Variants in GLRA1 observed in about 807,000 individuals in gnomAD.
GLRA1 encodes glycine receptor alpha 1.
GLRA1 carries 37 observed loss-of-function variants against 48.3 expected under a neutral mutation model. The ratio of observed to expected loss-of-function variants is 0.77; its 90% CI spans 0.59 to 1.01. The LOEUF (loss-of-function observed/expected upper bound fraction) is 1.01, where lower values mean the gene tolerates loss of function less well. Among genes scored for constraint, GLRA1 ranks in the 50% least tolerant of loss-of-function variants. The probability of loss-of-function intolerance (pLI) is 0.00; values close to 1 mark genes in which losing one functional copy is unlikely to be tolerated. For missense variants in GLRA1, 427 were observed against 571.0 expected (o/e 0.75, Z 2.57); for synonymous variants, 196 against 210.7 (o/e 0.93, Z 0.60).
chr5:151,903,040 C>T (rs1350198933), intron 1 of GLRA1, among the ~76,000 whole-genome samples: 1 of 152,090 alleles, frequency 6.6e-6, no homozygotes, highest in Admixed American at 6.5e-5. Context: ...ATCACTTTTC[C>T]CTTCCAAGTC....
rs114293044 is a variant in GLRA1 at position 151,884,851 on chromosome 5, C to T, written c.252+1870G>A. On this transcript the variant is annotated intron_variant, in intron 3 of 8. Transcript: ENST00000274576. ...CTCACTGTACAGATTATGATTAATA[C>T]AAATGTCAATATGCTTCTGATCTCA... is the stretch of plus-strand genomic sequence containing the variant. Among the ~76,000 whole-genome samples the T allele has an allele frequency of 3.8e-3, 574 of 152,244 alleles. 4 individuals are homozygous for T. Among genetic ancestry groups the T allele is most frequent in the Non-Finnish European group, 5.9e-3 (403 of 68,008 alleles).
chr5:151,867,829 A>G (rs1262344967), intron 3 of GLRA1, among the ~76,000 whole-genome samples: 1 of 152,218 alleles, frequency 6.6e-6, no homozygotes, highest in African/African-American at 2.4e-5. Context: ...GACTGTGGAT[A>G]TCCTTAACTG....
At chr5:151,868,187 C>G (rs1361871431) in intron 3 of GLRA1, among the ~76,000 whole-genome samples, 1 of 152,164 alleles carries the variant, frequency 6.6e-6, no homozygotes, top group Admixed American at 6.5e-5. Flanking sequence ...AAGGGAGTCT[C>G]CCTCAGGGGC....
At chr5:151,898,749 G>GA (rs1754287933) in intron 1 of GLRA1, among the ~76,000 whole-genome samples, 2 of 152,160 alleles carry the variant, frequency 1.3e-5, no homozygotes, top group African/African-American at 4.8e-5. Flanking sequence ...GAAAGAGGAA[G>GA]AGGACACTGT....
chr5:151,904,615 A>T, intron 1 of GLRA1, among the ~76,000 whole-genome samples: 1 of 152,018 alleles, frequency 6.6e-6, no homozygotes, highest in East Asian at 1.9e-4. Flanking sequence ...AAGCACATGG[A>T]CTCTGGCCTC....
At position 151,851,394 on chromosome 5, in the gene GLRA1, G is replaced by T. The variant is rs1752905629; in HGVS notation, c.908C>A (p.Pro303His). ...CTCTTGGGCAATGGGACTTACCTTG[G>T]GCAGAGATGCTCGAGAGCCGGAGCT... ...TQSSGSRASL[P>H]KVSYVKAIDI... The change falls in exon 7 of 9, where the codon CCC becomes CAC. Residue 303 changes from proline (P) to histidine (H), a missense_variant. Physicochemically the swap from Pro to His is moderately conservative, Grantham distance 77. This residue lies in a region of GLRA1 where 271 missense variants were observed against 434.9 expected (regional missense o/e 0.62). Transcript: ENST00000274576. 6.2e-7 allele frequency: 1 copy of T among 1,610,260 alleles called. No individual in the cohort carries two copies. Among genetic ancestry groups the T allele is most frequent in the Admixed American group, 1.7e-5 (1 of 60,004 alleles).
intron 1 of GLRA1, among the ~76,000 whole-genome samples, chr5:151,897,961 C>A (rs1754262945): frequency 6.6e-6 from 1 of 152,140 alleles, no homozygotes; most frequent in South Asian, 2.1e-4. Context: ...GGATTTGTCA[C>A]ACTAAGAGAT....
chr5:151,912,761 A>T (rs1162691261), intron 1 of GLRA1, among the ~76,000 whole-genome samples: 1 of 152,202 alleles, frequency 6.6e-6, no homozygotes, highest in African/African-American at 2.4e-5. Context: ...CCCTGGGATG[A>T]CATTATCTAT....
chr5:151,901,260 G>C (rs1754360620), intron 1 of GLRA1, among the ~76,000 whole-genome samples: 1 of 152,124 alleles, frequency 6.6e-6, no homozygotes, highest in Non-Finnish European at 1.5e-5. Flanking sequence ...TGCCCTAACT[G>C]TGTGTATATG....
chr5:151,871,287 G>A (rs1472425920), intron 3 of GLRA1, among the ~76,000 whole-genome samples: 2 of 149,468 alleles, frequency 1.3e-5, no homozygotes, highest in Non-Finnish European at 2.9e-5. Flanking sequence ...CCTAGCATAA[G>A]CTGTGTAGAG....
chr5:151,832,795 A>C (rs1247561577), intron 7 of GLRA1, among the ~76,000 whole-genome samples: 1 of 152,190 alleles, frequency 6.6e-6, no homozygotes, highest in Non-Finnish European at 1.5e-5. Flanking sequence ...GGAAATACAG[A>C]GAACACCACA....
chr5:151,868,173 C>T (rs1037001397), intron 3 of GLRA1, among the ~76,000 whole-genome samples: 1 of 152,186 alleles, frequency 6.6e-6, no homozygotes, highest in Non-Finnish European at 1.5e-5. Flanking sequence ...TCTCATTTTA[C>T]AGAAAGGGAG....
chr5:151,844,916 A>C (rs1390869675), intron 7 of GLRA1, among the ~76,000 whole-genome samples: 1 of 152,158 alleles, frequency 6.6e-6, no homozygotes, highest in African/African-American at 2.4e-5. Flanking sequence ...GCTTCCACTC[A>C]TGGTAGAAAG....
intron 7 of GLRA1, 102 bp from the exon 8 acceptor site, chr5:151,829,169 C>T (rs1763358071): frequency 2.7e-6 from 3 of 1,116,510 alleles, no homozygotes; most frequent in Non-Finnish European, 4.0e-6. Flanking sequence ...CCCCACATCA[C>T]CCACTGCTGT....
intron 7 of GLRA1, among the ~76,000 whole-genome samples, chr5:151,848,648 G>A (rs879124317): frequency 7.9e-5 from 12 of 152,258 alleles, no homozygotes; most frequent in Non-Finnish European, 1.6e-4. Flanking sequence ...GGAGAGTAAG[G>A]AAGCCTGCAC....
intron 7 of GLRA1, among the ~76,000 whole-genome samples, chr5:151,840,406 T>A (rs762609032): frequency 1.3e-5 from 2 of 152,078 alleles, no homozygotes; most frequent in East Asian, 1.9e-4. Context: ...CAAAAATACA[T>A]ATTTAATGCA....
At chr5:151,884,387 C>T (rs1427928288) in intron 3 of GLRA1, among the ~76,000 whole-genome samples, 1 of 148,842 alleles carries the variant, frequency 6.7e-6, no homozygotes, top group Non-Finnish European at 1.5e-5. Flanking sequence ...CGAGATCGTG[C>T]CACTGCACTC....
rs1462356739 is a variant in GLRA1 at position 151,855,058 on chromosome 5, T to C, written c.679A>G (p.Thr227Ala). 6.2e-7 allele frequency: 1 copy of C among 1,614,084 alleles called. No homozygotes were observed. The highest frequency in any genetic ancestry group is 8.5e-7 in the Non-Finnish European group (1 of 1,180,032). ...TACCTACCTGTGTTGTAGTGCTTGG[T>C]GCAGTATCTCAAGTCCTTCTCTTCC... Reference protein sequence around the residue: ...LKEEKDLRYCTKHYNTGKFTC... With the variant: ...LKEEKDLRYCAKHYNTGKFTC... The change falls in exon 6 of 9, where the codon ACC becomes GCC. Residue 227 changes from threonine (T) to alanine (A), a missense_variant. Physicochemically the swap from Thr to Ala is moderately conservative, Grantham distance 58. Around this residue, in one of 4 missense-constraint regions of GLRA1, gnomAD observed 271 missense variants for 434.9 expected, o/e 0.62. Coordinates refer to ENST00000274576, the MANE Select transcript of GLRA1 (RefSeq NM_000171.4).
At chr5:151,895,976 T>C (rs1754218091) in intron 1 of GLRA1, among the ~76,000 whole-genome samples, 1 of 152,254 alleles carries the variant, frequency 6.6e-6, no homozygotes, top group Admixed American at 6.5e-5. Context: ...ATAATAAGAT[T>C]TGGGAACATA....
Sources: allele counts gnomAD v4.1 joint callset (sites outside exome capture counted in the v4.1 genomes callset), GRCh38; gene constraint gnomAD v4.1.1; regional missense constraint gnomAD v4.1.1; transcripts MANE v1.5; gene names NCBI Gene and HGNC (gene_info 2026-07-23, HGNC 2026-07-21).